Variants in ADAMTS9 observed in about 807,000 individuals in gnomAD.
ADAMTS9 encodes the protein A disintegrin and metalloproteinase with thrombospondin motifs 9.
In ADAMTS9, 107 loss-of-function variants were observed where a neutral mutation model predicts 257.1. The observed-to-expected ratio is 0.42, with a 90% CI of 0.36 to 0.49. The LOEUF (loss-of-function observed/expected upper bound fraction) is 0.49, where lower values mean the gene tolerates loss of function less well. Among genes scored for constraint, ADAMTS9 ranks in the 20% least tolerant of loss-of-function variants. ADAMTS9 has a pLI of 0.03. For missense variants in ADAMTS9, 2,353 were observed against 2,469.1 expected (o/e 0.95, Z 1.00); for synonymous variants, 982 against 880.9 (o/e 1.11, Z -2.03).
At chr3:64,567,820 G>A (rs1421273636) in intron 29 of ADAMTS9, among the ~76,000 whole-genome samples, 1 of 151,664 alleles carries the variant, frequency 6.6e-6, no homozygotes, top group East Asian at 1.9e-4. Flanking sequence ...ATCGTCATAA[G>A]AGCCATGTGT....
At position 64,541,241 on chromosome 3, in the gene ADAMTS9, GA is replaced by G. The variant is rs766316797; in HGVS notation, c.5388-14del. 6.2e-7 allele frequency: 1 copy of G among 1,614,168 alleles called. No individual in the cohort carries two copies. The highest frequency in any genetic ancestry group is 8.5e-7 in the Non-Finnish European group (1 of 1,180,008). On this transcript the variant is annotated splice_polypyrimidine_tract_variant and intron_variant, in intron 35 of 39. Coordinates refer to ENST00000498707, the MANE Select transcript of ADAMTS9 (RefSeq NM_182920.2). ...TGGGTTGTGTAACCTAAATTATACA[GA>G]GAATGTTCTGGTAAGGATGGGAAAG...
intron 27 of ADAMTS9, among the ~76,000 whole-genome samples, 175 bp downstream of exon 27, chr3:64,596,655 T>G (rs1412960734): frequency 6.6e-6 from 1 of 152,234 alleles, no homozygotes; most frequent in Non-Finnish European, 1.5e-5. Context: ...CTCTTAGTGG[T>G]AATAGGAACA....
At chr3:64,527,899 T>C (rs1575979825) in intron 38 of ADAMTS9, among the ~76,000 whole-genome samples, 1 of 152,156 alleles carries the variant, frequency 6.6e-6, no homozygotes, top group Non-Finnish European at 1.5e-5. Context: ...ACTGAGCATG[T>C]GTGTGTGTAC....
chr3:64,660,755 A>G (rs1012113384), intron 3 of ADAMTS9, among the ~76,000 whole-genome samples: 2 of 152,208 alleles, frequency 1.3e-5, no homozygotes, highest in African/African-American at 4.8e-5. Context: ...GTATTAAGCC[A>G]AAAAGAAGCT....
intron 9 of ADAMTS9, 54 bp downstream of exon 9, chr3:64,650,963 C>T: frequency 6.6e-7 from 1 of 1,517,598 alleles, no homozygotes. Flanking sequence ...AATTAGTTCA[C>T]TACATGTAGG....
intron 28 of ADAMTS9, among the ~76,000 whole-genome samples, chr3:64,571,548 G>A (rs2083684787): frequency 6.6e-6 from 1 of 152,292 alleles, no homozygotes; most frequent in South Asian, 2.1e-4. Flanking sequence ...ATCTGGACTA[G>A]CTGTAACCTA....
chr3:64,657,133 G>A (rs1021135082), intron 4 of ADAMTS9, among the ~76,000 whole-genome samples: 2 of 152,096 alleles, frequency 1.3e-5, no homozygotes, highest in African/African-American at 4.8e-5. Context: ...GAAATACCTA[G>A]AGTTGCACTG....
intron 28 of ADAMTS9, among the ~76,000 whole-genome samples, chr3:64,578,154 AT>A (rs1441824476): frequency 6.6e-6 from 1 of 152,192 alleles, no homozygotes; most frequent in Non-Finnish European, 1.5e-5. Flanking sequence ...CATTTTAACC[AT>A]TATCAAATTA....
At chr3:64,646,739 C>A (rs1053989439) in intron 11 of ADAMTS9, among the ~76,000 whole-genome samples, 2 of 152,006 alleles carry the variant, frequency 1.3e-5, no homozygotes, top group African/African-American at 4.8e-5. Flanking sequence ...ACTGAAAAAA[C>A]CACTAGTCTT....
intron 35 of ADAMTS9, 39 bp from the exon 36 acceptor site, chr3:64,541,267 G>C (rs3796382): frequency 6.2e-7 from 1 of 1,613,806 alleles, no homozygotes; most frequent in Non-Finnish European, 8.5e-7. Context: ...GGATGGGAAA[G>C]CATTTCCAGG....
At chr3:64,553,951 A>G (rs2083300576) in intron 30 of ADAMTS9, among the ~76,000 whole-genome samples, 1 of 150,044 alleles carries the variant, frequency 6.7e-6, no homozygotes, top group South Asian at 2.6e-4. Context: ...ATGTTAAAAA[A>G]GAAAAGAAAA....
chr3:64,652,823 C>T (rs986177057), intron 8 of ADAMTS9, among the ~76,000 whole-genome samples: 1 of 152,130 alleles, frequency 6.6e-6, no homozygotes, highest in Non-Finnish European at 1.5e-5. Flanking sequence ...AATCTCAAAA[C>T]CCCAAATCCA....
intron 12 of ADAMTS9, among the ~76,000 whole-genome samples, chr3:64,636,021 C>G (rs1186556024): frequency 6.6e-6 from 1 of 152,174 alleles, no homozygotes. Flanking sequence ...GTGGATCAAT[C>G]ATTTATTTAT....
At chr3:64,540,943 T>A in intron 36 of ADAMTS9, 152 bp downstream of exon 36, 1 of 1,142,522 alleles carries the variant, frequency 8.8e-7, no homozygotes, top group Non-Finnish European at 1.2e-6. Flanking sequence ...CGCTGCACTG[T>A]AAGCTCCCAA....
chr3:64,581,728 A>G (rs2084005990), intron 28 of ADAMTS9, among the ~76,000 whole-genome samples: 1 of 152,232 alleles, frequency 6.6e-6, no homozygotes, highest in Non-Finnish European at 1.5e-5. Flanking sequence ...GAAAGACAGC[A>G]TCCACTTCCC....
intron 2 of ADAMTS9, among the ~76,000 whole-genome samples, chr3:64,683,383 G>A (rs1701807432): frequency 6.6e-6 from 1 of 152,288 alleles, no homozygotes; most frequent in South Asian, 2.1e-4. Context: ...AGAACCCTGA[G>A]GTTCTCTTCA....
At chr3:64,635,485 G>A (rs1279778569) in intron 12 of ADAMTS9, among the ~76,000 whole-genome samples, 2 of 152,216 alleles carry the variant, frequency 1.3e-5, no homozygotes, top group Non-Finnish European at 2.9e-5. Context: ...ACACAGTCGT[G>A]TCTACGTCTG....
At chr3:64,546,692 G>C in intron 32 of ADAMTS9, 66 bp downstream of exon 32, 1 of 1,485,754 alleles carries the variant, frequency 6.7e-7, no homozygotes, top group Middle Eastern at 2.5e-4. Context: ...GGGTTAGGCA[G>C]GACATGTTTA....
chr3:64,629,751 T>C (rs1015451836), intron 16 of ADAMTS9, among the ~76,000 whole-genome samples: 1 of 152,250 alleles, frequency 6.6e-6, no homozygotes, highest in African/African-American at 2.4e-5. Flanking sequence ...GTTTTGTTCA[T>C]TGTGCCTAGA....
Sources: allele counts gnomAD v4.1 joint callset (sites outside exome capture counted in the v4.1 genomes callset), GRCh38; gene constraint gnomAD v4.1.1; transcripts MANE v1.5; gene names NCBI Gene and HGNC (gene_info 2026-07-23, HGNC 2026-07-21).